SPAG9: variants seen among roughly 807,000 people sequenced by gnomAD.
SPAG9 encodes sperm associated antigen 9, also known as C-Jun-amino-terminal kinase-interacting protein 4.
A neutral mutation model predicts 166.5 loss-of-function variants in SPAG9; 35 were observed. The observed-to-expected ratio is 0.21, with a 90% CI of 0.16 to 0.28. The LOEUF (loss-of-function observed/expected upper bound fraction) is 0.28, where lower values mean the gene tolerates loss of function less well. SPAG9 is among the 10% of genes least tolerant of loss of function. The pLI, the probability that SPAG9 is intolerant of heterozygous loss-of-function variation, is 1.00. For missense variants in SPAG9, 1,235 were observed against 1,603.3 expected (o/e 0.77, Z 3.92); for synonymous variants, 534 against 565.5 (o/e 0.94, Z 0.79).
rs1187763142 is a variant in SPAG9 at position 51,041,502 on chromosome 17, T to C, written c.740A>G (p.Lys247Arg). 3 of 1,613,218 alleles carry C rather than the reference T, an allele frequency of 1.9e-6. No homozygotes were observed. The highest frequency in any genetic ancestry group is 2.5e-6 in the Non-Finnish European group (3 of 1,179,662). The change falls in exon 5 of 30, where the codon AAG (lysine) becomes AGG (arginine). Residue 247 changes from lysine to arginine, a missense_variant and splice_region_variant. Around this residue, in one of 6 missense-constraint regions of SPAG9, gnomAD observed 288 missense variants for 323.7 expected, o/e 0.89. Transcript: ENST00000262013. Reference sequence around the variant, plus strand: ...CAATTTCAGCAGCATAAAGCTTACCTTCAGGCTGGTATGAGAACGTGGTTG... The same window carrying C: ...CAATTTCAGCAGCATAAAGCTTACCCTCAGGCTGGTATGAGAACGTGGTTG... ...LSQPRSHTSL[K>R]VSNSPEPQKA...
chr17:51,098,792 G>A (rs1208498587), intron 1 of SPAG9, among the ~76,000 whole-genome samples: 4 of 151,220 alleles, frequency 2.6e-5, no homozygotes, highest in South Asian at 2.1e-4. Context: ...GTGCCCAGCC[G>A]GATGGGTTTA....
chr17:51,056,701 A>G (rs2047370770), intron 2 of SPAG9, among the ~76,000 whole-genome samples: 1 of 152,100 alleles, frequency 6.6e-6, no homozygotes, highest in African/African-American at 2.4e-5. Context: ...TAATATTCCT[A>G]TATTTATCAG....
chr17:50,968,274 T>C (rs1166839001), intron 29 of SPAG9, among the ~76,000 whole-genome samples: 1 of 152,220 alleles, frequency 6.6e-6, no homozygotes, highest in Non-Finnish European at 1.5e-5. Context: ...CACATTGTCA[T>C]TTAAATGACC....
intron 25 of SPAG9, 115 bp downstream of exon 25, chr17:50,982,409 C>T: frequency 1.1e-6 from 1 of 931,270 alleles, no homozygotes; most frequent in Middle Eastern, 2.6e-4. Flanking sequence ...ACTCAAGTGC[C>T]CTAAAACACA....
In SPAG9 at chr17:51,120,257, A is replaced by G; in HGVS notation, c.303+97T>C. On this transcript the variant is annotated intron_variant, in intron 1 of 29. Transcript: ENST00000262013. This position sits in a 1 kb window ranked among gnomAD's most constrained non-coding sequence, Gnocchi z 4.7. Reference sequence around the variant, plus strand: ...ATCGGCCTCAGGCCCGCCCTCCAGGAGGCCCGTCGCGCCTCTAGTCCCCGA... The same window carrying G: ...ATCGGCCTCAGGCCCGCCCTCCAGGGGGCCCGTCGCGCCTCTAGTCCCCGA... The G allele has an allele frequency of 1.8e-6, 2 of 1,094,590 alleles. No individual in the cohort carries two copies. Among genetic ancestry groups the G allele is most frequent in the Non-Finnish European group, 2.5e-6 (2 of 807,292 alleles). The allele number at this position is 1,094,590 out of a possible 1,614,324, so 67.8% of individuals were successfully genotyped here.
At chr17:51,006,047 CA>C (rs1329872432) in intron 11 of SPAG9, 37 bp downstream of exon 11, 1 of 1,607,570 alleles carries the variant, frequency 6.2e-7, no homozygotes, top group Non-Finnish European at 8.5e-7. Context: ...GCATAACTGG[CA>C]AAGAGTTTGG....
chr17:51,027,666 T>C (rs1230989441), intron 6 of SPAG9, among the ~76,000 whole-genome samples: 4 of 152,190 alleles, frequency 2.6e-5, no homozygotes, highest in East Asian at 3.8e-4. Flanking sequence ...TGCAATGCCC[T>C]AGTGTGTTAA....
intron 6 of SPAG9, among the ~76,000 whole-genome samples, chr17:51,026,134 T>C (rs2046159840): frequency 6.6e-6 from 1 of 152,128 alleles, no homozygotes; most frequent in Admixed American, 6.5e-5. Flanking sequence ...TTCCTCCTTA[T>C]TATTCCAGTC....
At chr17:51,010,429 T>C (rs2045420071) in intron 9 of SPAG9, among the ~76,000 whole-genome samples, 1 of 151,842 alleles carries the variant, frequency 6.6e-6, no homozygotes, top group Non-Finnish European at 1.5e-5. Context: ...GACAGATAAC[T>C]AAAAAATAAC....
chr17:51,119,532 C>T (rs916046594), intron 1 of SPAG9, among the ~76,000 whole-genome samples: 1 of 152,184 alleles, frequency 6.6e-6, no homozygotes, highest in Non-Finnish European at 1.5e-5. Flanking sequence ...GCCCAGGTCA[C>T]TGCTCGGGTG....
intron 24 of SPAG9, among the ~76,000 whole-genome samples, chr17:50,984,136 C>T (rs1156404188): frequency 2.6e-5 from 4 of 152,190 alleles, no homozygotes. Context: ...ACTAAATTCC[C>T]TCAACTTAAT....
chr17:50,996,853 T>C (rs2044703724), intron 15 of SPAG9, among the ~76,000 whole-genome samples, 159 bp from the exon 16 acceptor site: 1 of 152,208 alleles, frequency 6.6e-6, no homozygotes, highest in Non-Finnish European at 1.5e-5. Flanking sequence ...AAAAGTGTTA[T>C]AATAGGCCGG....
chr17:50,983,945 G>C (rs1240832435), intron 24 of SPAG9, among the ~76,000 whole-genome samples: 1 of 152,094 alleles, frequency 6.6e-6, no homozygotes, highest in African/African-American at 2.4e-5. Flanking sequence ...GCACCTAACT[G>C]TCATCTACTC....
In SPAG9 at chr17:50,966,014, A is replaced by G. The variant is rs188632632; in HGVS notation, c.*258T>C. ...ACATCTGGATTGCTTTCTATAATTCACCAGTTTGCAGGAAGTAAACATTCT... is the reference window on the plus strand; with the variant it reads ...ACATCTGGATTGCTTTCTATAATTCGCCAGTTTGCAGGAAGTAAACATTCT... On this transcript the variant is annotated 3_prime_UTR_variant, in exon 30 of 30. Coordinates refer to ENST00000262013, the MANE Select transcript of SPAG9 (RefSeq NM_001130528.3). The G allele has an allele frequency of 1.3e-5, 5 of 383,434 alleles. No individual in the cohort carries two copies. In the East Asian group the frequency reaches 1.8e-4, roughly 14 times the overall value. 23.8% of individuals were successfully genotyped at this position (383,434 alleles called of 1,614,324 possible). A position where few individuals can be genotyped will look rare whatever the true frequency, so the allele number is the denominator to read the frequency against.
intron 8 of SPAG9, among the ~76,000 whole-genome samples, chr17:51,017,673 A>G (rs2045760498): frequency 6.6e-6 from 1 of 152,228 alleles, no homozygotes; most frequent in African/African-American, 2.4e-5. Context: ...GATCTACCTC[A>G]TAAGGTTGTA....
intron 29 of SPAG9, among the ~76,000 whole-genome samples, chr17:50,968,477 T>C (rs1325690355): frequency 6.6e-6 from 1 of 152,158 alleles, no homozygotes; most frequent in Non-Finnish European, 1.5e-5. Flanking sequence ...ATGCCTGTAA[T>C]CCCAGCACTT....
At chr17:51,054,427 T>C (rs1050856445) in intron 3 of SPAG9, among the ~76,000 whole-genome samples, 1 of 145,950 alleles carries the variant, frequency 6.9e-6, no homozygotes, top group African/African-American at 2.6e-5. Flanking sequence ...CCAGCCAAAA[T>C]GTGGGTTTTT....
At chr17:51,033,274 T>C (rs1343991074) in intron 5 of SPAG9, among the ~76,000 whole-genome samples, 1 of 116,016 alleles carries the variant, frequency 8.6e-6, no homozygotes, top group Non-Finnish European at 1.8e-5. Context: ...TCTCTCTATA[T>C]AAAAGTAGAA....
At chr17:51,017,666 C>A (rs1309335196) in intron 8 of SPAG9, among the ~76,000 whole-genome samples, 1 of 152,086 alleles carries the variant, frequency 6.6e-6, no homozygotes, top group Non-Finnish European at 1.5e-5. Context: ...ATAAAAAGAT[C>A]TACCTCATAA....
Sources: gnomAD v4.1 joint callset for allele counts (sites outside exome capture counted in the v4.1 genomes callset) on GRCh38, gnomAD v4.1.1 for gene constraint, gnomAD v4.1.1 regional missense constraint, Gnocchi (gnomAD v3.1) non-coding constraint, MANE v1.5 for transcripts, NCBI Gene and HGNC (gene_info 2026-07-23, HGNC 2026-07-21) for gene names.